TRANK1: variants seen among roughly 807,000 people sequenced by gnomAD.
TRANK1 encodes tetratricopeptide repeat and ankyrin repeat containing 1, also known as TPR and ankyrin repeat-containing protein 1.
In TRANK1, 198 loss-of-function variants were observed where a neutral mutation model predicts 266.0. The observed-to-expected ratio is 0.74, with a 90% CI of 0.66 to 0.84. The LOEUF is 0.84. Among genes scored for constraint, TRANK1 ranks in the 40% least tolerant of loss-of-function variants. The pLI is 0.00. For missense variants in TRANK1, 3,326 were observed against 3,634.6 expected (o/e 0.92, Z 2.18); for synonymous variants, 1,396 against 1,384.1 (o/e 1.01, Z -0.19).
intron 9 of TRANK1, among the ~76,000 whole-genome samples, chr3:36,868,996 C>G (rs116297566): frequency 3.0e-4 from 46 of 152,262 alleles, no homozygotes; most frequent in African/African-American, 7.9e-4. Context: ...CTTCTTGGTC[C>G]CAAGGAAAGA....
rs1207885189 is a variant in TRANK1, at chr3:36,890,477, G to C, written c.776-517C>G. Among the ~76,000 whole-genome samples the C allele has an allele frequency of 3.3e-5, 5 of 152,256 alleles. No individual in the cohort carries two copies. In the East Asian group the frequency reaches 5.8e-4, roughly 18 times the overall value. ...ACAGAATGCACTCAGGGAGAGGCAA[G>C]GTCCAGAGAGAACCTCTCTGGGAAG... is the stretch of plus-strand genomic sequence containing the variant. On this transcript the variant is annotated intron_variant, in intron 7 of 23. Transcript: ENST00000645898.
chr3:36,849,283 C>A (rs2078955862), intron 15 of TRANK1, among the ~76,000 whole-genome samples: 1 of 152,126 alleles, frequency 6.6e-6, no homozygotes, highest in African/African-American at 2.4e-5. Context: ...GGCAGTTACC[C>A]TTCTAAGTCC....
chr3:36,835,318 C>CAAAAAAAAA (rs33954737), intron 20 of TRANK1, among the ~76,000 whole-genome samples: 3 of 67,846 alleles, frequency 4.4e-5, no homozygotes, highest in African/African-American at 1.6e-4. Context: ...GACTCCGTCT[C>CAAAAAAAAA]AAAAAAAAAA....
At chr3:36,937,501 A>G (rs2080440796) in intron 1 of TRANK1, among the ~76,000 whole-genome samples, 1 of 152,232 alleles carries the variant, frequency 6.6e-6, no homozygotes, top group South Asian at 2.1e-4. Context: ...TCTGATATAA[A>G]AATCTGTGTT....
chr3:36,894,262 AC>A (rs2125609903), intron 5 of TRANK1, among the ~76,000 whole-genome samples: 1 of 152,294 alleles, frequency 6.6e-6, no homozygotes, highest in Non-Finnish European at 1.5e-5. Context: ...TATCCACCCC[AC>A]ACTGGGAAGA....
At chr3:36,882,515 A>C (rs1036834046) in intron 8 of TRANK1, among the ~76,000 whole-genome samples, 2 of 152,244 alleles carry the variant, frequency 1.3e-5, no homozygotes, top group African/African-American at 4.8e-5. Flanking sequence ...TGGACCAAGA[A>C]TCTAAATGTA....
At chr3:36,838,591 G>T (rs1169649457) in intron 19 of TRANK1, 22 bp downstream of exon 19, 14 of 1,613,944 alleles carry the variant, frequency 8.7e-6, no homozygotes, top group Non-Finnish European at 1.2e-5. Context: ...GAGCAAACCA[G>T]AAGTGATCCC....
chr3:36,891,372 T>C (rs887589902), intron 7 of TRANK1, among the ~76,000 whole-genome samples: 1 of 152,038 alleles, frequency 6.6e-6, no homozygotes, highest in Non-Finnish European at 1.5e-5. Context: ...AATTCCCCAC[T>C]ATATGAAATG....
At chr3:36,871,065 T>G (rs1308439163) in intron 9 of TRANK1, among the ~76,000 whole-genome samples, 1 of 151,634 alleles carries the variant, frequency 6.6e-6, no homozygotes. Flanking sequence ...TGCACAGTAT[T>G]CTAAGAACTG....
chr3:36,852,119 C>A, intron 14 of TRANK1, 27 bp downstream of exon 14: 1 of 1,548,228 alleles, frequency 6.5e-7, no homozygotes, highest in South Asian at 1.2e-5. Context: ...TCTTTTATTT[C>A]AAAACATAAA....
In TRANK1 at chr3:36,879,717, AATATATAAAT is replaced by A. The variant is rs1189952346; in HGVS notation, c.908-5431_908-5422del. ...ATATAAATATAAATATAAATATATAAATATATAAATATATATAAATATACAAATATATAAA... is the reference window on the plus strand; with the variant it reads ...ATATAAATATAAATATAAATATATAAATATATAAATATACAAATATATAAA... On this transcript the variant is annotated intron_variant, in intron 8 of 23. Coordinates refer to ENST00000645898, the MANE Select transcript of TRANK1 (RefSeq NM_001329998.2). 2.9e-4 allele frequency among the ~76,000 whole-genome samples: 31 copies of A among 106,512 alleles called. 14 individuals are homozygous for A. In the East Asian group the frequency reaches 9.7e-3, roughly 33 times the overall value. The allele number at this position is 106,512 out of a possible 152,430, so 69.9% of individuals were successfully genotyped here.
intron 23 of TRANK1, 65 bp downstream of exon 23, chr3:36,829,499 A>C: frequency 1.3e-6 from 2 of 1,534,754 alleles, no homozygotes; most frequent in Non-Finnish European, 1.8e-6. Flanking sequence ...TCCCCCCGGG[A>C]GCCAGCAGTA....
intron 3 of TRANK1, among the ~76,000 whole-genome samples, chr3:36,901,309 T>G (rs1173958214): frequency 3.3e-5 from 5 of 152,036 alleles, no homozygotes; most frequent in Non-Finnish European, 4.4e-5. Context: ...CCCAGGGAAG[T>G]TTTATGGCCA....
At chr3:36,936,809 A>G (rs2080431196) in intron 1 of TRANK1, among the ~76,000 whole-genome samples, 1 of 152,148 alleles carries the variant, frequency 6.6e-6, no homozygotes, top group Non-Finnish European at 1.5e-5. Flanking sequence ...AAATACTGCT[A>G]AAGGGCAGAC....
At chr3:36,940,642 T>C (rs1208569652) in intron 1 of TRANK1, among the ~76,000 whole-genome samples, 1 of 152,152 alleles carries the variant, frequency 6.6e-6, no homozygotes, top group Non-Finnish European at 1.5e-5. Flanking sequence ...TGGGAAGGAT[T>C]CAGGAGCTGG....
intron 20 of TRANK1, among the ~76,000 whole-genome samples, chr3:36,837,737 A>G (rs934336778): frequency 6.6e-6 from 1 of 152,228 alleles, no homozygotes; most frequent in East Asian, 1.9e-4. Context: ...GCAGACAAAT[A>G]ATAGTTTGTA....
At chr3:36,916,803 G>GTT (rs533328022) in intron 1 of TRANK1, among the ~76,000 whole-genome samples, 121 of 142,546 alleles carry the variant, frequency 8.5e-4, no homozygotes, top group African/African-American at 2.8e-3. Flanking sequence ...GGTTTTTTTT[G>GTT]TTTTTTTTTT....
chr3:36,843,991 T>G (rs150796588), intron 17 of TRANK1, among the ~76,000 whole-genome samples: 1 of 152,278 alleles, frequency 6.6e-6, no homozygotes, highest in East Asian at 1.9e-4. Context: ...GCAGATGCCA[T>G]GTAAAAGAAA....
At chr3:36,894,135 A>G in intron 5 of TRANK1, among the ~76,000 whole-genome samples, 1 of 152,030 alleles carries the variant, frequency 6.6e-6, no homozygotes, top group East Asian at 1.9e-4. Context: ...AGGATGTTGG[A>G]CCTGCCACTT....
Sources: allele counts gnomAD v4.1 joint callset (sites outside exome capture counted in the v4.1 genomes callset), GRCh38; gene constraint gnomAD v4.1.1; transcripts MANE v1.5; gene names NCBI Gene and HGNC (gene_info 2026-07-23, HGNC 2026-07-21).